MYO7A: variants seen among roughly 807,000 people sequenced by gnomAD.
The protein encoded by MYO7A is unconventional myosin-VIIa.
In MYO7A, 210 loss-of-function variants were observed where a neutral mutation model predicts 263.8. The ratio of observed to expected loss-of-function variants is 0.80; its 90% CI spans 0.71 to 0.89. The LOEUF (loss-of-function observed/expected upper bound fraction) is 0.89, where lower values mean the gene tolerates loss of function less well. Among genes scored for constraint, MYO7A ranks in the 40% least tolerant of loss-of-function variants. MYO7A has a pLI of 0.00. For missense variants in MYO7A, 2,820 were observed against 2,968.3 expected, an observed-to-expected ratio of 0.95 and a Z score of 1.16; for synonymous variants, 1,239 against 1,197.3, an observed-to-expected ratio of 1.03 and a Z score of -0.72.
intron 9 of MYO7A, 45 bp from the exon 10 acceptor site, chr11:77,159,402 T>TGGGGG: frequency 1.2e-6 from 1 of 839,882 alleles, no homozygotes; most frequent in Non-Finnish European, 2.1e-6. Context: ...TTGCCCCTGT[T>TGGGGG]GCCCACCCTC....
intron 38 of MYO7A, 54 bp from the exon 39 acceptor site, chr11:77,204,022 C>T (rs967494842): frequency 1.3e-6 from 2 of 1,530,132 alleles, no homozygotes; most frequent in South Asian, 1.3e-5. Context: ...GGCCTCCGGA[C>T]CCCAGGCCAG....
At chr11:77,171,392 G>A (rs1430839406) in intron 15 of MYO7A, among the ~76,000 whole-genome samples, 2 of 152,148 alleles carry the variant, frequency 1.3e-5, no homozygotes, top group Admixed American at 1.3e-4. Flanking sequence ...CAACGCCAGG[G>A]GCCACAGATC....
At chr11:77,170,797 G>A (rs537322188) in intron 15 of MYO7A, among the ~76,000 whole-genome samples, 1 of 152,296 alleles carries the variant, frequency 6.6e-6, no homozygotes, top group East Asian at 1.9e-4. Context: ...CAATGCTGGT[G>A]GCTGGGACCA....
intron 31 of MYO7A, among the ~76,000 whole-genome samples, chr11:77,192,873 G>C (rs983819664): frequency 3.9e-4 from 60 of 152,088 alleles, no homozygotes; most frequent in Admixed American, 3.9e-3. Context: ...TGATGATGGT[G>C]GTGATGGTGG....
intron 34 of MYO7A, 21 bp from the exon 35 acceptor site, chr11:77,199,514 A>G (rs777457794): frequency 2.7e-5 from 40 of 1,462,852 alleles, no homozygotes; most frequent in Non-Finnish European, 3.5e-5. Context: ...GACTGACTCA[A>G]CTGGCCTTGA....
intron 32 of MYO7A, among the ~76,000 whole-genome samples, chr11:77,196,966 C>T (rs150044689): frequency 1.3e-4 from 20 of 152,340 alleles, no homozygotes; most frequent in Non-Finnish European, 2.4e-4. Context: ...CACCTCCAGG[C>T]TCCAGTTCTC....
At chr11:77,156,634 G>T in intron 5 of MYO7A, 26 bp from the exon 6 acceptor site, 1 of 1,611,676 alleles carries the variant, frequency 6.2e-7, no homozygotes, top group Non-Finnish European at 8.5e-7. Flanking sequence ...GGTTGTGACA[G>T]GTCCTGCCAC....
chr11:77,153,364 C>T (rs1438239471), intron 4 of MYO7A, among the ~76,000 whole-genome samples: 20 of 152,034 alleles, frequency 1.3e-4, no homozygotes, highest in African/African-American at 4.8e-4. Flanking sequence ...GAAGGGGGAG[C>T]TCTGGTCTGG....
At chr11:77,150,066 C>T (rs1325451396) in intron 4 of MYO7A, among the ~76,000 whole-genome samples, 1 of 152,336 alleles carries the variant, frequency 6.6e-6, no homozygotes, top group East Asian at 1.9e-4. Flanking sequence ...GAGCAGGGAG[C>T]CTGTCCACCT....
intron 38 of MYO7A, 103 bp downstream of exon 38, chr11:77,203,320 A>G (rs1957204247): frequency 1.5e-6 from 2 of 1,342,490 alleles, no homozygotes; most frequent in Non-Finnish European, 2.0e-6. Flanking sequence ...CCGGGCACAC[A>G]TGGGGAGGGT....
At position 77,149,199 on chromosome 11, in the gene MYO7A, C is replaced by G. The variant is rs1320506434; in HGVS notation, c.285+1249C>G. On this transcript the variant is annotated intron_variant, in intron 4 of 48. Transcript: ENST00000409709. Reference sequence around the variant, plus strand: ...CCCGCAGCCCAAGGGTAAAGGAAACCAAGGATGTGCAACCCCCAGCAGAGA... The same window carrying G: ...CCCGCAGCCCAAGGGTAAAGGAAACGAAGGATGTGCAACCCCCAGCAGAGA... Among the ~76,000 whole-genome samples the G allele has an allele frequency of 2.0e-5, 3 of 151,702 alleles. No individual in the cohort carries two copies. In the South Asian group the frequency reaches 6.3e-4, roughly 32 times the overall value.
At chr11:77,132,497 GTGTT>G (rs1232747005) in intron 2 of MYO7A, among the ~76,000 whole-genome samples, 1 of 152,064 alleles carries the variant, frequency 6.6e-6, no homozygotes, top group Non-Finnish European at 1.5e-5. Context: ...GTTTGTGTGT[GTGTT>G]TGTTTTGAGA....
At chr11:77,141,929 A>T (rs1263701589) in intron 2 of MYO7A, among the ~76,000 whole-genome samples, 1 of 152,258 alleles carries the variant, frequency 6.6e-6, no homozygotes, top group African/African-American at 2.4e-5. Flanking sequence ...TCTAACTAGA[A>T]CGTAGACTCC....
At chr11:77,190,980 G>C in intron 30 of MYO7A, 110 bp downstream of exon 30, 1 of 1,216,632 alleles carries the variant, frequency 8.2e-7, no homozygotes, top group Non-Finnish European at 1.1e-6. Context: ...GAGCACCTCG[G>C]TTTCCCCCTG....
intron 19 of MYO7A, 67 bp from the exon 20 acceptor site, chr11:77,178,978 T>C (rs1954916431): frequency 7.3e-7 from 1 of 1,378,388 alleles, no homozygotes; most frequent in Non-Finnish European, 1.0e-6. Flanking sequence ...GCCCTCCTGA[T>C]CCCAAACCCA....
In MYO7A at chr11:77,157,009, G is replaced by GC; in HGVS notation, c.735+7dup. 6.2e-7 allele frequency: 1 copy of GC among 1,611,518 alleles called. No individual in the cohort carries two copies. The highest frequency in any genetic ancestry group is 8.5e-7 in the Non-Finnish European group (1 of 1,178,966). On this transcript the variant is annotated splice_donor_region_variant and intron_variant, in intron 7 of 48. Coordinates refer to ENST00000409709, the MANE Select transcript of MYO7A (RefSeq NM_000260.4). ...AAGTCACGTGTCTGTCGCCAGGTGG[G>GC]CCTGAGCCCCAGGGATGCAGGAATA...
intron 15 of MYO7A, among the ~76,000 whole-genome samples, chr11:77,172,484 G>A (rs931732523): frequency 5.9e-5 from 9 of 152,106 alleles, no homozygotes; most frequent in Non-Finnish European, 1.0e-4. Flanking sequence ...CTCCCAGTGC[G>A]GAGATCTTCC....
chr11:77,140,330 T>G (rs1555049850), intron 2 of MYO7A, among the ~76,000 whole-genome samples: 1 of 152,116 alleles, frequency 6.6e-6, no homozygotes, highest in Non-Finnish European at 1.5e-5. Flanking sequence ...CCTGTTTTGC[T>G]CAGTGAGCTG....
chr11:77,155,123 A>G (rs1952324756), intron 4 of MYO7A, among the ~76,000 whole-genome samples: 1 of 152,148 alleles, frequency 6.6e-6, no homozygotes, highest in Non-Finnish European at 1.5e-5. Context: ...GGGAGAAGTA[A>G]CCCTGAGTGC....
Sources: gnomAD v4.1 joint callset for allele counts (sites outside exome capture counted in the v4.1 genomes callset) on GRCh38, gnomAD v4.1.1 for gene constraint, MANE v1.5 for transcripts, NCBI Gene and HGNC (gene_info 2026-07-23, HGNC 2026-07-21) for gene names.